The following DLGAP1 variants were observed in gnomAD, a reference collection of about 807,000 sequenced individuals.
The protein encoded by DLGAP1 is disks large-associated protein 1.
Under a neutral mutation model 90.8 loss-of-function variants are expected in DLGAP1, and 11 were observed. That is an observed-to-expected ratio of 0.12 (90% confidence interval 0.08 to 0.20). The LOEUF is 0.20. DLGAP1 is among the 10% of genes least tolerant of loss of function. The pLI is 1.00. For missense variants in DLGAP1, 1,050 were observed against 1,333.8 expected (o/e 0.79, Z 3.31); for synonymous variants, 558 against 540.7 (o/e 1.03, Z -0.44).
intron 1 of DLGAP1, among the ~76,000 whole-genome samples, chr18:4,415,646 T>C (rs1346291608): frequency 6.6e-6 from 1 of 152,322 alleles, no homozygotes; most frequent in African/African-American, 2.4e-5. Context: ...GTAAATGGTA[T>C]AGGTTTTGCA....
chr18:3,983,165 A>AT (rs1160140505), intron 3 of DLGAP1: 1 of 152,066 alleles, frequency 6.6e-6, no homozygotes, highest in Non-Finnish European at 1.5e-5. Flanking sequence ...TTATATGCAC[A>AT]TTTTTTCTTA....
At chr18:3,523,977 C>T (rs186664422) in intron 10 of DLGAP1, among the ~76,000 whole-genome samples, 18 of 152,056 alleles carry the variant, frequency 1.2e-4, no homozygotes, top group Admixed American at 3.9e-4. Flanking sequence ...CTAAAGGAAA[C>T]ATAACAACAG....
At chr18:3,592,928 AG>A (rs2056362897) in intron 7 of DLGAP1, among the ~76,000 whole-genome samples, 5 of 152,050 alleles carry the variant, frequency 3.3e-5, no homozygotes, top group African/African-American at 1.2e-4. Flanking sequence ...AGAAAAGAAA[AG>A]AAAAAGAAGA....
intron 2 of DLGAP1, among the ~76,000 whole-genome samples, chr18:4,107,637 G>A (rs1341586414): frequency 3.3e-5 from 5 of 152,298 alleles, no homozygotes; most frequent in South Asian, 4.1e-4. Context: ...ATTTTAAATT[G>A]GTGAACTGAG....
intron 5 of DLGAP1, among the ~76,000 whole-genome samples, chr18:3,812,061 A>G (rs1209878003): frequency 6.6e-6 from 1 of 152,202 alleles, no homozygotes; most frequent in African/African-American, 2.4e-5. Flanking sequence ...CTAACGGGAT[A>G]CTTAGGAGGT....
At chr18:4,160,623 T>C (rs73369059) in intron 1 of DLGAP1, among the ~76,000 whole-genome samples, 4,009 of 152,310 alleles carry the variant, frequency 0.026, 192 homozygotes, top group African/African-American at 0.09. Context: ...AAACTCATCT[T>C]AACATTAGAG....
At chr18:4,065,654 G>A (rs185793059) in intron 2 of DLGAP1, among the ~76,000 whole-genome samples, 1 of 152,016 alleles carries the variant, frequency 6.6e-6, no homozygotes, top group Non-Finnish European at 1.5e-5. Context: ...ACAAAGCACT[G>A]CTCAAATAAA....
rs554297453 is a variant in DLGAP1, at chr18:4,089,862, G to A, written c.-159+61318C>T. On this transcript the variant is annotated intron_variant, in intron 2 of 12. Transcript: ENST00000315677. ...AGATCGAGACCATCCTGGCTAACACGGTGAAACCCCGTCTCTACTAAAAAC... is the reference window on the plus strand; with the variant it reads ...AGATCGAGACCATCCTGGCTAACACAGTGAAACCCCGTCTCTACTAAAAAC... Among the ~76,000 whole-genome samples, 368 of 152,218 alleles carry A rather than the reference G, an allele frequency of 2.4e-3. 1 individual carries two copies. Among genetic ancestry groups the A allele is most frequent in the South Asian group, 0.013 (63 of 4,816 alleles).
chr18:3,659,445 A>ACCCC (rs61527537), intron 7 of DLGAP1, among the ~76,000 whole-genome samples: 107 of 105,302 alleles, frequency 1.0e-3, no homozygotes, highest in African/African-American at 3.6e-3. Context: ...GGATGCTACC[A>ACCCC]CCCCCCGCCG....
At chr18:4,055,443 C>G (rs1442376) in intron 2 of DLGAP1, among the ~76,000 whole-genome samples, 67,205 of 152,072 alleles carry the variant, frequency 0.44, 15,709 homozygotes, top group Middle Eastern at 0.57. Context: ...CCATGCTCCA[C>G]CCTCAAGTGG....
At chr18:4,078,386 T>C (rs1211151925) in intron 2 of DLGAP1, among the ~76,000 whole-genome samples, 1 of 152,124 alleles carries the variant, frequency 6.6e-6, no homozygotes, top group Non-Finnish European at 1.5e-5. Context: ...ACCGAATAGA[T>C]GGCCAAGTGT....
chr18:4,011,804 AG>A (rs1470397510), intron 2 of DLGAP1, among the ~76,000 whole-genome samples: 1 of 152,074 alleles, frequency 6.6e-6, no homozygotes, highest in Non-Finnish European at 1.5e-5. Context: ...AGCCTGGGTG[AG>A]TTCAGTGGTG....
rs1167897030 is a variant in DLGAP1, at chr18:3,772,214, T to TTC, written c.1173-29704_1173-29703dup. On this transcript the variant is annotated intron_variant, in intron 5 of 12. Coordinates refer to ENST00000315677, the MANE Select transcript of DLGAP1 (RefSeq NM_004746.4). ...CCTTTCTCTTCTTCTCTCCTTTTCT[T>TTC]TCTCTCTTTCTTTTCTTTCTCTCCT... 3.2e-4 allele frequency among the ~76,000 whole-genome samples: 48 copies of TTC among 147,742 alleles called. 1 individual carries two copies. The highest frequency in any genetic ancestry group is 1.1e-3 in the African/African-American group (44 of 39,312).
Position 4,342,809 on chromosome 18 carries a change from T to G in DLGAP1, c.-267+112197A>C, listed in dbSNP as rs566661316. ...TGAAGAATATTTAATAGACAGAAAA[T>G]CTTTACAAATTTTTTGATTTAATTG... On this transcript the variant is annotated intron_variant, in intron 1 of 12. Coordinates refer to ENST00000315677, the MANE Select transcript of DLGAP1 (RefSeq NM_004746.4). This position sits in a 1 kb window ranked among gnomAD's most constrained non-coding sequence, Gnocchi z 5.8. Among the ~76,000 whole-genome samples the G allele has an allele frequency of 1.3e-5, 2 of 152,180 alleles. No homozygotes were observed. Among genetic ancestry groups the G allele is most frequent in the East Asian group, 3.9e-4 (2 of 5,168 alleles).
intron 1 of DLGAP1, among the ~76,000 whole-genome samples, chr18:4,408,458 T>C (rs1188318719): frequency 6.6e-6 from 1 of 151,568 alleles, no homozygotes; most frequent in South Asian, 2.1e-4. Context: ...AAACCATAAA[T>C]GATAAACAAA....
intron 2 of DLGAP1, among the ~76,000 whole-genome samples, chr18:4,005,728 T>C (rs1008777549): frequency 6.6e-6 from 1 of 152,182 alleles, no homozygotes; most frequent in Non-Finnish European, 1.5e-5. Context: ...CCATCACACC[T>C]GGCCCACAGC....
intron 1 of DLGAP1, among the ~76,000 whole-genome samples, chr18:4,212,191 A>G (rs1429477946): frequency 6.6e-6 from 1 of 152,154 alleles, no homozygotes; most frequent in Non-Finnish European, 1.5e-5. Flanking sequence ...TAGCACTGAC[A>G]GGCAGGGCAA....
intron 4 of DLGAP1, among the ~76,000 whole-genome samples, chr18:3,855,668 T>C (rs574367992): frequency 1.3e-5 from 2 of 152,238 alleles, no homozygotes; most frequent in South Asian, 4.1e-4. Flanking sequence ...GGCTGGAGTG[T>C]AATGGCATGG....
intron 5 of DLGAP1, among the ~76,000 whole-genome samples, chr18:3,805,504 G>C (rs1401912251): frequency 6.6e-6 from 1 of 152,210 alleles, no homozygotes; most frequent in Non-Finnish European, 1.5e-5. Context: ...GCTGGAAGAG[G>C]TAAGAGGTGA....
Sources: allele counts gnomAD v4.1 joint callset (sites outside exome capture counted in the v4.1 genomes callset), GRCh38; gene constraint gnomAD v4.1.1; non-coding constraint Gnocchi (gnomAD v3.1); transcripts MANE v1.5; gene names NCBI Gene and HGNC (gene_info 2026-07-23, HGNC 2026-07-21).